The following NAV2 variants were observed in gnomAD, a reference collection of about 807,000 sequenced individuals.
NAV2 encodes neuron navigator 2.
A neutral mutation model predicts 223.2 loss-of-function variants in NAV2; 54 were observed. That is an observed-to-expected ratio of 0.24 (90% CI 0.19 to 0.30). The LOEUF is 0.30. Ranked by LOEUF, NAV2 falls within the 10% of genes least tolerant of loss-of-function variation. The pLI, the probability that NAV2 is intolerant of heterozygous loss-of-function variation, is 1.00. For missense variants in NAV2, 2,806 were observed against 3,147.5 expected (o/e 0.89, Z 2.60); for synonymous variants, 1,279 against 1,239.3 (o/e 1.03, Z -0.67).
At chr11:19,795,183 G>A (rs1449705425) in intron 1 of NAV2, among the ~76,000 whole-genome samples, 3 of 152,286 alleles carry the variant, frequency 2.0e-5, no homozygotes, top group Admixed American at 6.5e-5. Flanking sequence ...GAAGAGAAAT[G>A]GGACAGAAGT....
chr11:19,391,187 C>T (rs1849234390), intron 1 of NAV2, among the ~76,000 whole-genome samples: 2 of 152,134 alleles, frequency 1.3e-5, no homozygotes, highest in Admixed American at 6.5e-5. Context: ...TCACCTCTGG[C>T]CTTCACTACC....
intron 6 of NAV2, among the ~76,000 whole-genome samples, chr11:19,905,669 T>C (rs2028607): frequency 0.23 from 35,128 of 152,062 alleles, 4,622 homozygotes; most frequent in East Asian, 0.49. Flanking sequence ...TTCATCTGGC[T>C]TGGAGTGAAA....
chr11:19,870,309 T>G (rs912274511), intron 4 of NAV2, among the ~76,000 whole-genome samples: 1 of 152,142 alleles, frequency 6.6e-6, no homozygotes, highest in Non-Finnish European at 1.5e-5. Flanking sequence ...GAGGAGCACA[T>G]GATTTCCTCC....
chr11:19,375,615 T>G (rs1233429069), intron 1 of NAV2, among the ~76,000 whole-genome samples: 1 of 152,228 alleles, frequency 6.6e-6, no homozygotes, highest in African/African-American at 2.4e-5. Context: ...ACAGTCCCTG[T>G]GCCTAAATCA....
At chr11:19,393,117 A>G (rs1201413376) in intron 1 of NAV2, among the ~76,000 whole-genome samples, 2 of 152,200 alleles carry the variant, frequency 1.3e-5, no homozygotes, top group Non-Finnish European at 2.9e-5. Flanking sequence ...TGCAGCCTAA[A>G]GTCATACTTC....
intron 1 of NAV2, among the ~76,000 whole-genome samples, chr11:19,502,001 T>G (rs2042978540): frequency 6.6e-6 from 1 of 152,120 alleles, no homozygotes; most frequent in African/African-American, 2.4e-5. Context: ...GTCTCAAGTC[T>G]CCTAAAAGCG....
intron 1 of NAV2, among the ~76,000 whole-genome samples, chr11:19,417,426 A>G (rs1161943943): frequency 2.0e-5 from 3 of 152,236 alleles, no homozygotes; most frequent in Non-Finnish European, 4.4e-5. Flanking sequence ...AATTGTGATC[A>G]TTAAAGAGTC....
intron 1 of NAV2, among the ~76,000 whole-genome samples, chr11:19,438,521 C>A (rs1851288388): frequency 6.6e-6 from 1 of 152,190 alleles, no homozygotes; most frequent in South Asian, 2.1e-4. Context: ...GTTTTCCACA[C>A]CAACAACCAA....
At chr11:20,063,633 C>CCGAAGTGTTGGGATTACAGG (rs1356824343) in intron 20 of NAV2, among the ~76,000 whole-genome samples, 2 of 152,112 alleles carry the variant, frequency 1.3e-5, no homozygotes, top group African/African-American at 4.8e-5. Context: ...TCTCAGCCTC[C>CCGAAGTGTTGGGATTACAGG]CGAAGTGTTG....
At chr11:20,067,925 G>C (rs1808473455) in intron 20 of NAV2, among the ~76,000 whole-genome samples, 1 of 151,964 alleles carries the variant, frequency 6.6e-6, no homozygotes, top group Non-Finnish European at 1.5e-5. Context: ...CCCCGCCTGG[G>C]GAGCAGGGTG....
chr11:20,006,332 C>T (rs568553570), intron 11 of NAV2, among the ~76,000 whole-genome samples: 39 of 152,056 alleles, frequency 2.6e-4, no homozygotes, highest in African/African-American at 9.2e-4. Context: ...AGCAGAGGCA[C>T]CAAAGATGTT....
chr11:19,736,039 C>A (rs1053824905), intron 1 of NAV2, among the ~76,000 whole-genome samples: 35 of 152,240 alleles, frequency 2.3e-4, no homozygotes, highest in Admixed American at 2.0e-3. Context: ...TTTCAAAAAG[C>A]CTTTGTTCCC....
intron 4 of NAV2, among the ~76,000 whole-genome samples, chr11:19,871,723 C>G (rs1190996029): frequency 6.6e-6 from 1 of 152,130 alleles, no homozygotes; most frequent in Non-Finnish European, 1.5e-5. Context: ...AGCGGTCCCC[C>G]ACCAGACAGT....
intron 1 of NAV2, among the ~76,000 whole-genome samples, chr11:19,372,775 A>G (rs1404125451): frequency 6.6e-6 from 1 of 152,244 alleles, no homozygotes; most frequent in African/African-American, 2.4e-5. Flanking sequence ...ACGAGGTTTC[A>G]GGACCTCCTG....
At chr11:19,677,183 CAA>C (rs1339598388) in intron 1 of NAV2, among the ~76,000 whole-genome samples, 2 of 152,278 alleles carry the variant, frequency 1.3e-5, no homozygotes, top group Non-Finnish European at 2.9e-5. Flanking sequence ...GCACCCTGCA[CAA>C]AGAGTCTCCC....
At chr11:19,612,385 A>C (rs920643512) in intron 1 of NAV2, among the ~76,000 whole-genome samples, 9 of 152,208 alleles carry the variant, frequency 5.9e-5, no homozygotes, top group Non-Finnish European at 1.0e-4. Context: ...CTCTCCCCAG[A>C]CAGTGGGTTT....
At position 19,647,253 on chromosome 11, in the gene NAV2, A is replaced by G. The variant is rs561734858; in HGVS notation, c.76-185231A>G. Reference sequence around the variant, plus strand: ...AGATCTCCCAGGCTGATGGGTTTCCAGAAGTCATAAAGATGCTGGCTCTGT... The same window carrying G: ...AGATCTCCCAGGCTGATGGGTTTCCGGAAGTCATAAAGATGCTGGCTCTGT... On this transcript the variant is annotated intron_variant, in intron 1 of 37. Transcript: ENST00000360655. 1.1e-4 allele frequency among the ~76,000 whole-genome samples: 16 copies of G among 152,298 alleles called. No individual in the cohort carries two copies. The South Asian group carries it at 3.3e-3, about 32-fold the overall frequency.
At chr11:19,644,080 G>GCGCACACA (rs1565131959) in intron 1 of NAV2, among the ~76,000 whole-genome samples, 172 of 151,252 alleles carry the variant, frequency 1.1e-3, no homozygotes, top group African/African-American at 3.7e-3. Flanking sequence ...GTGTGCATGT[G>GCGCACACA]CACACACACA....
intron 5 of NAV2, among the ~76,000 whole-genome samples, chr11:19,886,322 A>T (rs1273118429): frequency 6.6e-6 from 1 of 152,204 alleles, no homozygotes; most frequent in Non-Finnish European, 1.5e-5. Flanking sequence ...GGGGAGACCC[A>T]GGTCAGGCTC....
Sources: gnomAD v4.1 joint callset for allele counts (sites outside exome capture counted in the v4.1 genomes callset) on GRCh38, gnomAD v4.1.1 for gene constraint, MANE v1.5 for transcripts, NCBI Gene and HGNC (gene_info 2026-07-23, HGNC 2026-07-21) for gene names.